STXBP5L: variants seen among roughly 807,000 people sequenced by gnomAD.
The protein encoded by STXBP5L is syntaxin binding protein 5L.
STXBP5L carries 65 observed loss-of-function variants against 144.5 expected under a neutral mutation model. The observed-to-expected ratio is 0.45, with a 90% CI of 0.37 to 0.55. The LOEUF (loss-of-function observed/expected upper bound fraction) is 0.55. STXBP5L is among the 20% of genes least tolerant of loss of function. STXBP5L has a pLI of 0.00. For missense variants in STXBP5L, 1,298 were observed against 1,405.5 expected, an observed-to-expected ratio of 0.92 and a Z score of 1.22; for synonymous variants, 505 against 469.6, an observed-to-expected ratio of 1.08 and a Z score of -0.97.
intron 3 of STXBP5L, among the ~76,000 whole-genome samples, chr3:120,967,953 T>G (rs1457316922): frequency 6.6e-6 from 1 of 152,226 alleles, no homozygotes; most frequent in African/African-American, 2.4e-5. Context: ...TATCCCATTA[T>G]GGTCAGAAAA....
At chr3:121,173,293 C>T (rs918832544) in intron 9 of STXBP5L, among the ~76,000 whole-genome samples, 2 of 149,988 alleles carry the variant, frequency 1.3e-5, no homozygotes, top group Non-Finnish European at 3.0e-5. Context: ...CAAACCTGCA[C>T]GCTTTGTGCA....
chr3:121,380,863 C>T (rs1362157988), intron 21 of STXBP5L, among the ~76,000 whole-genome samples: 2 of 152,088 alleles, frequency 1.3e-5, no homozygotes, highest in Non-Finnish European at 2.9e-5. Flanking sequence ...CCAATCGCCA[C>T]AGTATTGTCA....
At chr3:121,041,514 G>A (rs902144298) in intron 3 of STXBP5L, among the ~76,000 whole-genome samples, 186 bp from the exon 4 acceptor site, 3 of 151,870 alleles carry the variant, frequency 2.0e-5, no homozygotes, top group African/African-American at 7.2e-5. Context: ...TTTTCAAATT[G>A]TTGGAGTATT....
chr3:120,942,807 T>C (rs1160480418), intron 2 of STXBP5L, among the ~76,000 whole-genome samples: 1 of 151,554 alleles, frequency 6.6e-6, no homozygotes, highest in Admixed American at 6.6e-5. Context: ...ATAGCAAATA[T>C]ATATGTTTTA....
chr3:121,192,410 A>G (rs895196739), intron 9 of STXBP5L, among the ~76,000 whole-genome samples: 7 of 152,248 alleles, frequency 4.6e-5, no homozygotes, highest in Admixed American at 2.0e-4. Flanking sequence ...GTTAATTTAT[A>G]GATTCAATGC....
intron 20 of STXBP5L, among the ~76,000 whole-genome samples, chr3:121,334,876 GA>G (rs1402838920): frequency 6.6e-6 from 1 of 152,136 alleles, no homozygotes; most frequent in Non-Finnish European, 1.5e-5. Context: ...GCAAAAGCTG[GA>G]AGCATTCCCC....
intron 20 of STXBP5L, among the ~76,000 whole-genome samples, chr3:121,336,586 A>C (rs922042321): frequency 6.6e-6 from 1 of 152,132 alleles, no homozygotes; most frequent in East Asian, 1.9e-4. Flanking sequence ...ATGGCTATTA[A>C]TAAAAAGTAA....
intron 4 of STXBP5L, among the ~76,000 whole-genome samples, chr3:121,044,990 A>G (rs765202500): frequency 4.6e-5 from 7 of 152,154 alleles, no homozygotes; most frequent in Non-Finnish European, 8.8e-5. Flanking sequence ...CGCTTTCCAA[A>G]TATACAGAAA....
intron 19 of STXBP5L, among the ~76,000 whole-genome samples, chr3:121,303,788 A>G (rs2052028310): frequency 2.6e-5 from 4 of 152,112 alleles, no homozygotes; most frequent in Admixed American, 2.6e-4. Flanking sequence ...ACAAAAAACC[A>G]AACACTACAT....
chr3:121,411,178 A>C (rs987409383), intron 23 of STXBP5L, among the ~76,000 whole-genome samples: 3 of 152,076 alleles, frequency 2.0e-5, no homozygotes, highest in African/African-American at 7.2e-5. Flanking sequence ...AGCACATCTC[A>C]ATTCAGACGA....
At chr3:121,399,772 G>A (rs1019421966) in intron 22 of STXBP5L, among the ~76,000 whole-genome samples, 4 of 152,218 alleles carry the variant, frequency 2.6e-5, no homozygotes, top group African/African-American at 9.6e-5. Flanking sequence ...CTTCCAGCGT[G>A]GGCGTTACGG....
intron 3 of STXBP5L, among the ~76,000 whole-genome samples, chr3:121,009,686 G>A (rs1302608722): frequency 6.6e-6 from 1 of 151,966 alleles, no homozygotes; most frequent in African/African-American, 2.4e-5. Context: ...ATGGGGATCT[G>A]AGTCACTTAT....
chr3:121,148,018 C>G (rs1001521145), intron 7 of STXBP5L, among the ~76,000 whole-genome samples: 1 of 151,978 alleles, frequency 6.6e-6, no homozygotes, highest in African/African-American at 2.4e-5. Flanking sequence ...TCCTGGATCT[C>G]CTGCTTGCCA....
chr3:120,938,130 A>G (rs1042620178), intron 2 of STXBP5L, among the ~76,000 whole-genome samples: 1 of 152,090 alleles, frequency 6.6e-6, no homozygotes, highest in Admixed American at 6.5e-5. Flanking sequence ...GTTTCACAGT[A>G]TTTATATGTG....
At chr3:120,949,858 C>T (rs1298253147) in intron 2 of STXBP5L, among the ~76,000 whole-genome samples, 6 of 152,014 alleles carry the variant, frequency 3.9e-5, no homozygotes, top group Non-Finnish European at 7.4e-5. Flanking sequence ...AATGTAATGC[C>T]TCCAGATTTG....
intron 19 of STXBP5L, among the ~76,000 whole-genome samples, chr3:121,312,126 A>T (rs2043552419): frequency 6.6e-6 from 1 of 152,228 alleles, no homozygotes; most frequent in East Asian, 1.9e-4. Flanking sequence ...ATGCTGGGAA[A>T]ACTGGCTAGC....
At chr3:121,302,026 G>T (rs1225150774) in intron 19 of STXBP5L, among the ~76,000 whole-genome samples, 1 of 152,240 alleles carries the variant, frequency 6.6e-6, no homozygotes, top group African/African-American at 2.4e-5. Flanking sequence ...TTGTGTCTCT[G>T]CCCGGCTTTG....
At chr3:121,314,957 A>G (rs1264353915) in intron 19 of STXBP5L, among the ~76,000 whole-genome samples, 1 of 152,178 alleles carries the variant, frequency 6.6e-6, no homozygotes, top group African/African-American at 2.4e-5. Context: ...ACCCGTTAGA[A>G]TGGCAATCAT....
chr3:121,048,437 A>T (rs1288708199), intron 5 of STXBP5L, among the ~76,000 whole-genome samples: 1 of 152,076 alleles, frequency 6.6e-6, no homozygotes, highest in East Asian at 1.9e-4. Context: ...TCTGAAATAT[A>T]TTTTCCAAGT....
Sources: gnomAD v4.1 joint callset for allele counts (sites outside exome capture counted in the v4.1 genomes callset) on GRCh38, gnomAD v4.1.1 for gene constraint, MANE v1.5 for transcripts, NCBI Gene and HGNC (gene_info 2026-07-23, HGNC 2026-07-21) for gene names.